UBE2QL1: variants seen among roughly 807,000 people sequenced by gnomAD.
The protein encoded by UBE2QL1 is ubiquitin conjugating enzyme E2 QL1.
UBE2QL1 carries 5 observed loss-of-function variants against 12.6 expected under a neutral mutation model. That is an observed-to-expected ratio of 0.40 (90% CI 0.21 to 0.83). The LOEUF (loss-of-function observed/expected upper bound fraction) is 0.83. UBE2QL1 is among the 40% of genes least tolerant of loss of function. UBE2QL1 has a pLI of 0.37. For missense variants in UBE2QL1, 99 were observed against 222.6 expected (o/e 0.44, Z 3.53); for synonymous variants, 96 against 94.5 (o/e 1.02, Z -0.10).
chr5:6,490,303 C>T (rs1308498091), intron 1 of UBE2QL1, among the ~76,000 whole-genome samples: 1 of 152,258 alleles, frequency 6.6e-6, no homozygotes, highest in Non-Finnish European at 1.5e-5. Context: ...CCCTCTGATG[C>T]CAGATATTCC....
chr5:6,485,675 G>C (rs750688308), intron 1 of UBE2QL1, among the ~76,000 whole-genome samples: 1 of 152,176 alleles, frequency 6.6e-6, no homozygotes, highest in Non-Finnish European at 1.5e-5. Flanking sequence ...CAGGAAATGA[G>C]TGCAGGAAAC....
At chr5:6,484,387 T>G (rs1232244116) in intron 1 of UBE2QL1, among the ~76,000 whole-genome samples, 2 of 152,126 alleles carry the variant, frequency 1.3e-5, no homozygotes, top group Non-Finnish European at 2.9e-5. Flanking sequence ...CTGTCTTTGG[T>G]CTTGCCCCTC....
rs1042966195 is a variant in UBE2QL1 at position 6,496,022 on chromosome 5, C to A, written c.*4673C>A. ...ACGGGAGCAAAGTGTGCTGGCCAAA[C>A]AGCAACAATCAAAGCAGAGGGGAGC... is the stretch of plus-strand genomic sequence containing the variant. On this transcript the variant is annotated 3_prime_UTR_variant, in exon 2 of 2. Coordinates refer to ENST00000399816, the MANE Select transcript of UBE2QL1 (RefSeq NM_001145161.3). Among the ~76,000 whole-genome samples the A allele has an allele frequency of 6.6e-6, 1 of 152,278 alleles. No individual in the cohort carries two copies. The highest frequency in any genetic ancestry group is 1.9e-4 in the East Asian group (1 of 5,184).
chr5:6,469,031 G>A (rs540805879), intron 1 of UBE2QL1, among the ~76,000 whole-genome samples: 6 of 152,298 alleles, frequency 3.9e-5, no homozygotes, highest in African/African-American at 9.6e-5. Flanking sequence ...CAACCAGCCC[G>A]CCGCCTCTGC....
chr5:6,489,449 T>A (rs926857643), intron 1 of UBE2QL1, among the ~76,000 whole-genome samples: 1 of 145,510 alleles, frequency 6.9e-6, no homozygotes, highest in African/African-American at 2.7e-5. Context: ...AAAAGAAAAA[T>A]TTTTTAAAAA....
At position 6,448,935 on chromosome 5, in the gene UBE2QL1, CA is replaced by C. The variant is rs1230675058; in HGVS notation, c.43del (p.Ile15SerfsTer15). ...QDIARLSDRF[I>X]SVELVDESLF... ...ACATCGCGCGCCTTAGCGACCGCTT[CA>C]TCTCCGTGGAGCTGGTGGACGAGAG... On this transcript the variant is annotated frameshift_variant, in exon 1 of 2. Coordinates refer to ENST00000399816, the MANE Select transcript of UBE2QL1 (RefSeq NM_001145161.3). LOFTEE classifies it high-confidence loss of function. The C allele has an allele frequency of 6.5e-7, 1 of 1,546,386 alleles. No homozygotes were observed. Among genetic ancestry groups the C allele is most frequent in the East Asian group, 2.5e-5 (1 of 40,400 alleles).
In UBE2QL1 at chr5:6,458,833, A is replaced by G. The variant is rs566203990; in HGVS notation, c.354+9586A>G. Among the ~76,000 whole-genome samples, 262 of 152,368 alleles carry G rather than the reference A, an allele frequency of 1.7e-3. No individual in the cohort carries two copies. The Middle Eastern group carries it at 0.02, about 12-fold the overall frequency. On this transcript the variant is annotated intron_variant, in intron 1 of 1. Coordinates refer to ENST00000399816, the MANE Select transcript of UBE2QL1 (RefSeq NM_001145161.3). ...TGAGTATTAGAAGCCTTTAAAATGT[A>G]ACTTTTTAAGAGTCATCAAAATACT...
chr5:6,465,794 C>T (rs534047621), intron 1 of UBE2QL1, among the ~76,000 whole-genome samples: 1 of 152,198 alleles, frequency 6.6e-6, no homozygotes, highest in Non-Finnish European at 1.5e-5. Context: ...AGCTCCAGGG[C>T]GCAGCAGAAG....
At chr5:6,482,710 G>T (rs1734386816) in intron 1 of UBE2QL1, among the ~76,000 whole-genome samples, 1 of 152,204 alleles carries the variant, frequency 6.6e-6, no homozygotes, top group Non-Finnish European at 1.5e-5. Flanking sequence ...GAGAATGGAG[G>T]CCAGGAGGCT....
At chr5:6,461,550 C>A (rs377361836) in intron 1 of UBE2QL1, among the ~76,000 whole-genome samples, 11 of 123,948 alleles carry the variant, frequency 8.9e-5, no homozygotes, top group East Asian at 7.8e-4. Context: ...ACCACCCCCC[C>A]CCGCCGGCAT....
chr5:6,479,666 C>G lies in UBE2QL1; in HGVS notation c.355-11552C>G, dbSNP rs191042819. Among the ~76,000 whole-genome samples the G allele has an allele frequency of 1.3e-5, 2 of 152,210 alleles. No individual in the cohort carries two copies. Among genetic ancestry groups the G allele is most frequent in the Non-Finnish European group, 1.5e-5 (1 of 68,040 alleles). ...CAAGGAGAAAACACAGACCGGGGGT[C>G]TCCTTTGTGCTGAGTAAGTGTTTCG... is the stretch of plus-strand genomic sequence containing the variant. On this transcript the variant is annotated intron_variant, in intron 1 of 1. Coordinates refer to ENST00000399816, the MANE Select transcript of UBE2QL1 (RefSeq NM_001145161.3). This position sits in a 1 kb window ranked among gnomAD's most constrained non-coding sequence, Gnocchi z 4.2.
At chr5:6,456,892 G>A (rs1240663873) in intron 1 of UBE2QL1, among the ~76,000 whole-genome samples, 1 of 151,978 alleles carries the variant, frequency 6.6e-6, no homozygotes, top group East Asian at 1.9e-4. Flanking sequence ...GCTGGGCATG[G>A]TCAGGGAGCC....
In UBE2QL1 at chr5:6,450,472, A is replaced by G. The variant is rs982551737; in HGVS notation, c.354+1225A>G. On this transcript the variant is annotated intron_variant, in intron 1 of 1. Coordinates refer to ENST00000399816, the MANE Select transcript of UBE2QL1 (RefSeq NM_001145161.3). Reference sequence around the variant, plus strand: ...CCTGAATCAATATTAAGCATTACTTAAGAAAATTACATTGCTGTGTGGGCA... The same window carrying G: ...CCTGAATCAATATTAAGCATTACTTGAGAAAATTACATTGCTGTGTGGGCA... 2.6e-5 allele frequency among the ~76,000 whole-genome samples: 4 copies of G among 152,206 alleles called. No individual in the cohort carries two copies. The East Asian group carries it at 7.7e-4, about 29-fold the overall frequency.
chr5:6,457,343 C>T (rs929060946), intron 1 of UBE2QL1, among the ~76,000 whole-genome samples: 3 of 152,012 alleles, frequency 2.0e-5, no homozygotes, highest in Admixed American at 6.5e-5. Flanking sequence ...TCAATAAAAG[C>T]GATGACTTCC....
At chr5:6,458,309 T>G (rs1013821952) in intron 1 of UBE2QL1, among the ~76,000 whole-genome samples, 1 of 152,202 alleles carries the variant, frequency 6.6e-6, no homozygotes, top group African/African-American at 2.4e-5. Context: ...AAAGGATCAG[T>G]TACACGTAAA....
At position 6,494,361 on chromosome 5, in the gene UBE2QL1, C is replaced by T. The variant is rs572151549; in HGVS notation, c.*3012C>T. Reference sequence around the variant, plus strand: ...TGCAAAGACTTGCTGTTTCTAAAATCCACTACTCAGAAAAACCAGGGTGTC... The same window carrying T: ...TGCAAAGACTTGCTGTTTCTAAAATTCACTACTCAGAAAAACCAGGGTGTC... On this transcript the variant is annotated 3_prime_UTR_variant, in exon 2 of 2. Transcript: ENST00000399816. 37 of 152,294 alleles carry T rather than the reference C, an allele frequency of 2.4e-4. No homozygotes were observed. Among genetic ancestry groups the T allele is most frequent in the African/African-American group, 8.7e-4 (36 of 41,550 alleles). The allele number at this position is 152,294 out of a possible 1,614,324, so 9.4% of individuals were successfully genotyped here. A position where few individuals can be genotyped will look rare whatever the true frequency, so the allele number is the denominator to read the frequency against.
chr5:6,491,186 T>C lies in UBE2QL1; in HGVS notation c.355-32T>C, dbSNP rs1295551563. 4.6e-6 allele frequency: 7 copies of C among 1,514,436 alleles called. No individual in the cohort carries two copies. The African/African-American group carries it at 9.8e-5, about 21-fold the overall frequency. 93.8% of individuals were successfully genotyped at this position (1,514,436 alleles called of 1,614,324 possible). On this transcript the variant is annotated intron_variant, in intron 1 of 1. Transcript: ENST00000399816. ...TAGGAAACAGAATTCCCAGTGACGT[T>C]CTAACCTGGTTTTTCTTCTCATCTC... is the stretch of plus-strand genomic sequence containing the variant.
At position 6,495,079 on chromosome 5, in the gene UBE2QL1, C is replaced by A. The variant is rs1734643044; in HGVS notation, c.*3730C>A. 6.6e-6 allele frequency among the ~76,000 whole-genome samples: 1 copy of A among 152,100 alleles called. No homozygotes were observed. Among genetic ancestry groups the A allele is most frequent in the South Asian group, 2.1e-4 (1 of 4,818 alleles). ...GGCTGGGCAAAGGGAAGGAGAAGGG[C>A]AGGTGTAGCAGGTGTAGAAATGGGA... On this transcript the variant is annotated 3_prime_UTR_variant, in exon 2 of 2. Coordinates refer to ENST00000399816, the MANE Select transcript of UBE2QL1 (RefSeq NM_001145161.3).
chr5:6,473,225 T>G (rs1479645273), intron 1 of UBE2QL1, among the ~76,000 whole-genome samples: 2 of 152,254 alleles, frequency 1.3e-5, no homozygotes, highest in Non-Finnish European at 2.9e-5. Flanking sequence ...CCTTGTAATT[T>G]TTCAATTATT....
Sources: allele counts gnomAD v4.1 joint callset (sites outside exome capture counted in the v4.1 genomes callset), GRCh38; gene constraint gnomAD v4.1.1; non-coding constraint Gnocchi (gnomAD v3.1); transcripts MANE v1.5; gene names NCBI Gene and HGNC (gene_info 2026-07-23, HGNC 2026-07-21).